MTSS2: variants seen among roughly 807,000 people sequenced by gnomAD.
MTSS2 encodes protein MTSS 2.
MTSS2 carries 27 observed loss-of-function variants against 67.1 expected under a neutral mutation model. The observed-to-expected ratio is 0.40, with a 90% confidence interval of 0.30 to 0.55. The LOEUF (loss-of-function observed/expected upper bound fraction) is 0.55. Ranked by LOEUF, MTSS2 falls within the 20% of genes least tolerant of loss-of-function variation. The pLI is 0.43. For missense variants in MTSS2, 1,171 were observed against 1,067.8 expected (o/e 1.10, Z -1.35); for synonymous variants, 624 against 468.6 (o/e 1.33, Z -4.28).
rs1278176407 is a variant in MTSS2, at chr16:70,661,462, C to A, written c.*2215G>T. ...ATTAAAAAAAGGAACGAGTTAACAA[C>A]AGCACCAGGAAAGTTACTTCAGTCA... On this transcript the variant is annotated 3_prime_UTR_variant, in exon 15 of 15. Coordinates refer to ENST00000338779, the MANE Select transcript of MTSS2 (RefSeq NM_138383.3). 5.5e-6 allele frequency: 2 copies of A among 364,240 alleles called. No individual in the cohort carries two copies. The highest frequency in any genetic ancestry group is 7.7e-5 in the East Asian group (1 of 12,940). The allele number at this position is 364,240 out of a possible 1,614,324, so 22.6% of individuals were successfully genotyped here. A position where few individuals can be genotyped will look rare whatever the true frequency, so the allele number is the denominator to read the frequency against.
At chr16:70,677,173 A>G (rs1285542884) in intron 9 of MTSS2, among the ~76,000 whole-genome samples, 195 bp from the exon 10 acceptor site, 1 of 152,144 alleles carries the variant, frequency 6.6e-6, no homozygotes, top group Non-Finnish European at 1.5e-5. Context: ...GAGCCCCTTC[A>G]GCTAACATGC....
At chr16:70,673,296 G>A (rs1404377235) in intron 11 of MTSS2, among the ~76,000 whole-genome samples, 1 of 152,168 alleles carries the variant, frequency 6.6e-6, no homozygotes, top group East Asian at 1.9e-4. Flanking sequence ...CAAAACTAAA[G>A]AGAAGGCCTA....
chr16:70,669,469 G>C (rs2052844117), intron 11 of MTSS2, among the ~76,000 whole-genome samples: 1 of 152,152 alleles, frequency 6.6e-6, no homozygotes, highest in Non-Finnish European at 1.5e-5. Context: ...GATTGCTTGA[G>C]CCCAAGAGTA....
At chr16:70,680,571 A>T (rs2053271786) in intron 3 of MTSS2, among the ~76,000 whole-genome samples, 2 of 151,998 alleles carry the variant, frequency 1.3e-5, no homozygotes, top group Admixed American at 6.5e-5. Context: ...GCAAAAAGGG[A>T]ATCCCCGGGG....
In MTSS2 at chr16:70,664,359, C is replaced by G; in HGVS notation, c.1562G>C (p.Ser521Thr). 1 of 1,594,724 alleles carries G rather than the reference C, an allele frequency of 6.3e-7. No homozygotes were observed. Among genetic ancestry groups the G allele is most frequent in the Non-Finnish European group, 8.5e-7 (1 of 1,172,626 alleles). Residue 521 changes from serine (S) to threonine (T), a missense_variant, in exon 15 of 15, where the codon AGC (serine) becomes ACC (threonine). Around this residue, in one of 2 missense-constraint regions of MTSS2, gnomAD observed 924 missense variants for 756.0 expected, o/e 1.22. Transcript: ENST00000338779. ...FDKSSTIPRN[S>T]NIAQNYRRLI... ...GCGGCGGTAGTTCTGGGCGATGTTG[C>G]TGTTGCGCGGGATGGTGGATGACTT...
At chr16:70,680,675 A>T in intron 3 of MTSS2, 119 bp downstream of exon 3, 1 of 862,190 alleles carries the variant, frequency 1.2e-6, no homozygotes, top group Non-Finnish European at 1.8e-6. Context: ...ACTAAGGAGC[A>T]GAACTCAAGG....
At chr16:70,665,865 GTGTT>G in intron 11 of MTSS2, 1 of 251,352 alleles carries the variant, frequency 4.0e-6, no homozygotes, top group Non-Finnish European at 7.7e-6. Flanking sequence ...CGGCAGCTGG[GTGTT>G]TGGTCTGAGC....
intron 1 of MTSS2, among the ~76,000 whole-genome samples, chr16:70,684,142 T>C (rs2053384663): frequency 6.6e-6 from 1 of 152,084 alleles, no homozygotes; most frequent in South Asian, 2.1e-4. Flanking sequence ...CTGCAGTGGT[T>C]GCTATGAGGC....
rs1282080124 is a variant in MTSS2, at chr16:70,663,770, G to T, written c.2151C>A (p.Asp717Glu). 4 of 1,528,878 alleles carry T rather than the reference G, an allele frequency of 2.6e-6. No individual in the cohort carries two copies. Among genetic ancestry groups the T allele is most frequent in the Non-Finnish European group, 3.5e-6 (4 of 1,140,004 alleles). 94.7% of individuals were successfully genotyped at this position (1,528,878 alleles called of 1,614,324 possible). A position where few individuals can be genotyped will look rare whatever the true frequency, so the allele number is the denominator to read the frequency against. The change falls in exon 15 of 15, where the codon GAC becomes GAA. Residue 717 changes from aspartate (D) to glutamate (E), a missense_variant. By Grantham distance (45) the Asp-to-Glu change is conservative. Around this residue, in one of 2 missense-constraint regions of MTSS2, gnomAD observed 924 missense variants for 756.0 expected, o/e 1.22. Transcript: ENST00000338779. ...TPTPPPAATS[D>E]PPAEDMLVAI... The stretch of plus-strand genomic sequence containing the variant: ...CCACCAGCATGTCTTCGGCCGGGGG[G>T]TCGCTGGTGGCGGCTGGGGGTGGGG...
intron 7 of MTSS2, 85 bp from the exon 8 acceptor site, chr16:70,678,494 C>CTCAG (rs2053193530): frequency 1.3e-6 from 2 of 1,483,486 alleles, no homozygotes; most frequent in Admixed American, 4.1e-5. Flanking sequence ...CTGGTGGTGG[C>CTCAG]ATCTCTCGGC....
chr16:70,681,507 G>C (rs1361621966), intron 1 of MTSS2, among the ~76,000 whole-genome samples: 1 of 152,252 alleles, frequency 6.6e-6, no homozygotes, highest in Non-Finnish European at 1.5e-5. Context: ...GGCACACCAG[G>C]TGTAGACTGG....
chr16:70,679,484 C>A (rs2053227616), intron 6 of MTSS2, 146 bp downstream of exon 6: 1 of 1,217,494 alleles, frequency 8.2e-7, no homozygotes, highest in South Asian at 1.4e-5. Context: ...GGGCAGCTCC[C>A]TCTGTCCCAC....
At chr16:70,678,048 C>T in intron 8 of MTSS2, 149 bp from the exon 9 acceptor site, 3 of 953,132 alleles carry the variant, frequency 3.1e-6, no homozygotes, top group East Asian at 2.6e-5. Flanking sequence ...GCAGGTGGGG[C>T]CCACACAGCC....
chr16:70,663,363 C>A lies in MTSS2; in HGVS notation c.*314G>T. On this transcript the variant is annotated 3_prime_UTR_variant, in exon 15 of 15. Transcript: ENST00000338779. ...GCCAGCCTGGCCCCTCTGTCATGGG[C>A]AGCGGCCCTGGCTCTGGTGCTTATG... is the stretch of plus-strand genomic sequence containing the variant. 1 of 387,674 alleles carries A rather than the reference C, an allele frequency of 2.6e-6. No homozygotes were observed. The highest frequency in any genetic ancestry group is 4.6e-6 in the Non-Finnish European group (1 of 217,476). The allele number at this position is 387,674 out of a possible 1,614,324, so 24.0% of individuals were successfully genotyped here.
intron 11 of MTSS2, among the ~76,000 whole-genome samples, chr16:70,671,102 G>GTGTT (rs2052921185): frequency 6.6e-6 from 1 of 151,924 alleles, no homozygotes; most frequent in South Asian, 2.1e-4. Context: ...TGTTCTCGGT[G>GTGTT]TGTTTAGAAT....
chr16:70,677,004 A>C, intron 9 of MTSS2, 26 bp from the exon 10 acceptor site: 1 of 1,586,486 alleles, frequency 6.3e-7, no homozygotes, highest in South Asian at 1.1e-5. Flanking sequence ...GATGGGGGTC[A>C]CTGGAGGCAG....
At chr16:70,680,432 G>T (rs1010050163) in intron 3 of MTSS2, among the ~76,000 whole-genome samples, 1 of 152,188 alleles carries the variant, frequency 6.6e-6, no homozygotes, top group African/African-American at 2.4e-5. Flanking sequence ...GGACCAGAGG[G>T]CAGAGGCGGC....
chr16:70,673,417 T>TGTG (rs1302947672), intron 11 of MTSS2, among the ~76,000 whole-genome samples: 1 of 152,058 alleles, frequency 6.6e-6, no homozygotes, highest in Non-Finnish European at 1.5e-5. Context: ...ACCTTCACAG[T>TGTG]GTGGATGGAA....
chr16:70,670,398 G>A (rs561590638), intron 11 of MTSS2, among the ~76,000 whole-genome samples: 1 of 152,218 alleles, frequency 6.6e-6, no homozygotes, highest in Non-Finnish European at 1.5e-5. Flanking sequence ...CATATCCCAT[G>A]ACTTTGCAAT....
Sources: gnomAD v4.1 joint callset for allele counts (sites outside exome capture counted in the v4.1 genomes callset) on GRCh38, gnomAD v4.1.1 for gene constraint, gnomAD v4.1.1 regional missense constraint, MANE v1.5 for transcripts, NCBI Gene and HGNC (gene_info 2026-07-23, HGNC 2026-07-21) for gene names.